Variants in RAD54B observed in about 807,000 individuals in gnomAD.
RAD54B encodes RAD54 homolog B.
A neutral mutation model predicts 95.8 loss-of-function variants in RAD54B; 78 were observed. That is an observed-to-expected ratio of 0.81 (90% CI 0.68 to 0.98). RAD54B has a LOEUF of 0.98. RAD54B is among the 50% of genes least tolerant of loss of function. RAD54B has a pLI of 0.00. For synonymous variants in RAD54B, 328 were observed against 354.9 expected, an observed-to-expected ratio of 0.92 and a Z score of 0.85; for missense variants, 957 against 1,056.6, an observed-to-expected ratio of 0.91 and a Z score of 1.31.
At chr8:94,420,586 A>G (rs1811780798) in intron 3 of RAD54B, among the ~76,000 whole-genome samples, 1 of 152,090 alleles carries the variant, frequency 6.6e-6, no homozygotes, top group African/African-American at 2.4e-5. Context: ...ACAGTAAATC[A>G]TGGGGAAAAA....
At chr8:94,422,402 C>T (rs566777708) in intron 3 of RAD54B, among the ~76,000 whole-genome samples, 418 of 150,636 alleles carry the variant, frequency 2.8e-3, no homozygotes, top group African/African-American at 9.6e-3. Flanking sequence ...GCCTGGCCAA[C>T]GTGGCGAAAC....
At position 94,387,881 on chromosome 8, in the gene RAD54B, T is replaced by C. The variant is rs183382383; in HGVS notation, c.1810-722A>G. 2.9e-3 allele frequency among the ~76,000 whole-genome samples: 448 copies of C among 152,298 alleles called. 2 individuals are homozygous for C. Among genetic ancestry groups the C allele is most frequent in the African/African-American group, 1.0e-2 (415 of 41,574 alleles). On this transcript the variant is annotated intron_variant, in intron 10 of 14. Coordinates refer to ENST00000336148, the MANE Select transcript of RAD54B (RefSeq NM_012415.3). ...CACTTTTTGGGTTAAATTCCTAGGATTGGCAGGTCTCTTAACTCTCTCCCA... is the reference window on the plus strand; with the variant it reads ...CACTTTTTGGGTTAAATTCCTAGGACTGGCAGGTCTCTTAACTCTCTCCCA...
chr8:94,467,386 G>A lies in RAD54B; in HGVS notation c.135+19C>T, dbSNP rs767121476. ...TGCTTCTCTATATTATCTATATCAT[G>A]AGTCTTTTTTTGCCTTACCTCAAAT... On this transcript the variant is annotated intron_variant, in intron 2 of 14. Coordinates refer to ENST00000336148, the MANE Select transcript of RAD54B (RefSeq NM_012415.3). 1.3e-6 allele frequency: 2 copies of A among 1,581,076 alleles called. No individual in the cohort carries two copies. Among genetic ancestry groups the A allele is most frequent in the East Asian group, 4.5e-5 (2 of 44,644 alleles).
At chr8:94,413,598 A>G (rs35002009) in intron 3 of RAD54B, among the ~76,000 whole-genome samples, 9 of 152,182 alleles carry the variant, frequency 5.9e-5, no homozygotes, top group Admixed American at 5.2e-4. Flanking sequence ...AAAAATCTCT[A>G]ATAGAAAACA....
At chr8:94,449,427 T>C (rs375946191) in intron 3 of RAD54B, among the ~76,000 whole-genome samples, 38 of 152,062 alleles carry the variant, frequency 2.5e-4, no homozygotes, top group African/African-American at 8.7e-4. Context: ...GCCAACATGG[T>C]GAAACCCTGT....
chr8:94,404,355 C>T (rs1195824605), intron 5 of RAD54B, 116 bp from the exon 6 acceptor site: 6 of 1,013,826 alleles, frequency 5.9e-6, no homozygotes, highest in Non-Finnish European at 8.1e-6. Flanking sequence ...CCAAAAAAGT[C>T]CAAAATTTAG....
intron 3 of RAD54B, among the ~76,000 whole-genome samples, chr8:94,432,816 G>A (rs900260433): frequency 4.6e-5 from 7 of 152,006 alleles, no homozygotes; most frequent in Non-Finnish European, 8.8e-5. Flanking sequence ...ACATTAAAGT[G>A]ACTAAGATTG....
In RAD54B at chr8:94,404,001, T is replaced by G. The variant is rs1811321779; in HGVS notation, c.944+76A>C. 3.3e-6 allele frequency: 4 copies of G among 1,212,062 alleles called. No homozygotes were observed. The South Asian group carries it at 6.5e-5, about 20-fold the overall frequency. 75.1% of individuals were successfully genotyped at this position (1,212,062 alleles called of 1,614,324 possible). On this transcript the variant is annotated intron_variant, in intron 6 of 14. Transcript: ENST00000336148. ...CCTCAGGACTCATTATATTAGGATCTTCTTAGAAAACCATTATTGTGTTAC... is the reference window on the plus strand; with the variant it reads ...CCTCAGGACTCATTATATTAGGATCGTCTTAGAAAACCATTATTGTGTTAC...
chr8:94,372,298 A>T lies in RAD54B; in HGVS notation c.2605T>A (p.Ser869Thr), dbSNP rs530979151. The T allele has an allele frequency of 3.1e-6, 5 of 1,613,862 alleles. No individual in the cohort carries two copies. In the South Asian group the frequency reaches 5.5e-5, roughly 18 times the overall value. Residue 869 changes from serine (S) to threonine (T), a missense_variant, in exon 15 of 15, where the codon TCC becomes ACC. Ser to Thr is a moderately conservative substitution (Grantham distance 58). Transcript: ENST00000336148. Reference protein sequence around the residue: ...KSNSLKPLSMSQLKQWKHFSG... With the variant: ...KSNSLKPLSMTQLKQWKHFSG... ...AAATGTTTCCATTGCTTCAGCTGGGACATAGAAAGAGGTTTCAGGGAGTTA... is the reference window on the plus strand; with the variant it reads ...AAATGTTTCCATTGCTTCAGCTGGGTCATAGAAAGAGGTTTCAGGGAGTTA...
chr8:94,372,083 A>G lies in RAD54B; in HGVS notation c.*87T>C. 2.7e-6 allele frequency: 4 copies of G among 1,485,612 alleles called. No homozygotes were observed. Among genetic ancestry groups the G allele is most frequent in the Non-Finnish European group, 3.6e-6 (4 of 1,125,748 alleles). 92.0% of individuals were successfully genotyped at this position (1,485,612 alleles called of 1,614,324 possible). ...TTTTGCAACATATACTGTAATTTAAATAATTCTATTAATTTTCAAAAAGTA... is the reference window on the plus strand; with the variant it reads ...TTTTGCAACATATACTGTAATTTAAGTAATTCTATTAATTTTCAAAAAGTA... On this transcript the variant is annotated 3_prime_UTR_variant, in exon 15 of 15. Transcript: ENST00000336148.
intron 3 of RAD54B, chr8:94,430,761 T>TA (rs1294070422): frequency 2.0e-6 from 2 of 983,234 alleles, no homozygotes; most frequent in Non-Finnish European, 2.4e-6. Context: ...GATTCCTCAT[T>TA]AAAAAATGCA....
intron 3 of RAD54B, among the ~76,000 whole-genome samples, chr8:94,456,845 T>C (rs1812791244): frequency 6.6e-6 from 1 of 152,156 alleles, no homozygotes; most frequent in East Asian, 1.9e-4. Context: ...ACAAAGCTTT[T>C]TTCCCCAATT....
chr8:94,390,113 G>T (rs142018009), intron 10 of RAD54B, among the ~76,000 whole-genome samples: 4,462 of 152,170 alleles, frequency 0.029, 84 homozygotes, highest in Non-Finnish European at 0.043. Flanking sequence ...GCTGAGGTGG[G>T]AGGATCACTT....
chr8:94,451,189 G>A (rs1412899932), intron 3 of RAD54B, among the ~76,000 whole-genome samples: 1 of 152,070 alleles, frequency 6.6e-6, no homozygotes, highest in African/African-American at 2.4e-5. Context: ...CTACAGCTGG[G>A]GCAGGAAAGA....
chr8:94,398,887 T>C (rs977897361), intron 8 of RAD54B, among the ~76,000 whole-genome samples: 5 of 152,064 alleles, frequency 3.3e-5, no homozygotes, highest in African/African-American at 1.2e-4. Context: ...CATGCATATG[T>C]AGCATATACA....
At chr8:94,466,548 T>C (rs527375438) in intron 2 of RAD54B, among the ~76,000 whole-genome samples, 28 of 152,056 alleles carry the variant, frequency 1.8e-4, no homozygotes, top group African/African-American at 6.5e-4. Flanking sequence ...GCTGGGATTA[T>C]AGGCGCGTGC....
At chr8:94,422,973 G>C (rs1188566700) in intron 3 of RAD54B, among the ~76,000 whole-genome samples, 1 of 151,226 alleles carries the variant, frequency 6.6e-6, no homozygotes, top group African/African-American at 2.4e-5. Flanking sequence ...TTGGGAAAGA[G>C]AATATGTATA....
intron 4 of RAD54B, among the ~76,000 whole-genome samples, chr8:94,409,438 A>G (rs887493773): frequency 3.3e-5 from 5 of 151,780 alleles, no homozygotes; most frequent in Non-Finnish European, 7.4e-5. Flanking sequence ...TGGCAGGATC[A>G]AGGCTCACTG....
chr8:94,431,857 A>C, intron 3 of RAD54B: 1 of 1,107,534 alleles, frequency 9.0e-7, no homozygotes, highest in East Asian at 5.2e-5. Flanking sequence ...GCATTTGTGT[A>C]TATCTTAGTG....
Sources: allele counts gnomAD v4.1 joint callset (sites outside exome capture counted in the v4.1 genomes callset), GRCh38; gene constraint gnomAD v4.1.1; transcripts MANE v1.5; gene names NCBI Gene and HGNC (gene_info 2026-07-23, HGNC 2026-07-21).